Variants in CDH26 observed in about 807,000 individuals in gnomAD.
The protein encoded by CDH26 is cadherin 26.
CDH26 carries 83 observed loss-of-function variants against 90.3 expected under a neutral mutation model. The ratio of observed to expected loss-of-function variants is 0.92; its 90% CI spans 0.77 to 1.10. The LOEUF is 1.10. Among genes scored for constraint, CDH26 ranks in the 50% least tolerant of loss-of-function variants. CDH26 has a pLI of 0.00. For synonymous variants in CDH26, 397 were observed against 396.3 expected (o/e 1.00, Z -0.02); for missense variants, 1,013 against 1,037.6 (o/e 0.98, Z 0.33).
chr20:59,984,704 C>CTTTA lies in CDH26; in HGVS notation c.608_611dup (p.Phe205LeufsTer18). 3.1e-6 allele frequency: 5 copies of CTTTA among 1,613,908 alleles called. No individual in the cohort carries two copies. Among genetic ancestry groups the CTTTA allele is most frequent in the Non-Finnish European group, 4.2e-6 (5 of 1,179,898 alleles). Reference sequence around the variant, plus strand: ...AGAAAACACTCCAAATTCTCAAGTCCTTTACTTCCTCATTTCTCAAACACC... The same window carrying CTTTA: ...AGAAAACACTCCAAATTCTCAAGTCCTTTATTTACTTCCTCATTTCTCAAACACC... On this transcript the variant is annotated frameshift_variant, in exon 6 of 18. Coordinates refer to ENST00000348616, the MANE Select transcript of CDH26 (RefSeq NM_177980.4). LOFTEE classifies it high-confidence loss of function.
At chr20:59,959,767 A>G (rs527385744) in intron 1 of CDH26, among the ~76,000 whole-genome samples, 21 of 152,184 alleles carry the variant, frequency 1.4e-4, no homozygotes, top group Non-Finnish European at 2.2e-4. Flanking sequence ...GTCTGGATCC[A>G]AGGCAATTTG....
chr20:60,008,845 G>T (rs1000325525), intron 17 of CDH26, among the ~76,000 whole-genome samples: 6 of 152,202 alleles, frequency 3.9e-5, no homozygotes, highest in Non-Finnish European at 8.8e-5. Context: ...CCTGGCACCT[G>T]CTTCAAGACA....
At chr20:59,977,619 G>A (rs2061342613) in intron 4 of CDH26, among the ~76,000 whole-genome samples, 1 of 151,654 alleles carries the variant, frequency 6.6e-6, no homozygotes, top group African/African-American at 2.4e-5. Context: ...AGCAGTTTTA[G>A]ATTGACAGAA....
chr20:60,003,756 C>T (rs1431699279), intron 16 of CDH26, among the ~76,000 whole-genome samples: 1 of 152,136 alleles, frequency 6.6e-6, no homozygotes, highest in East Asian at 1.9e-4. Flanking sequence ...AATACTCTAG[C>T]TGAAGTATCT....
chr20:60,033,580 G>C (rs147694852), exon 9 of CDH26: 6 of 1,304,662 alleles, frequency 4.6e-6, no homozygotes, highest in Non-Finnish European at 6.1e-6. Flanking sequence ...TCCAGAGTGC[G>C]CATTCCCCAT....
intron 17 of CDH26, among the ~76,000 whole-genome samples, chr20:60,008,878 T>C (rs1485949110): frequency 2.0e-5 from 3 of 152,186 alleles, no homozygotes; most frequent in Non-Finnish European, 4.4e-5. Context: ...TCTCCGGGCC[T>C]AGAAGCTTTG....
At chr20:59,996,591 G>C (rs369322286) in intron 12 of CDH26, 40 bp from the exon 13 acceptor site, 16 of 1,614,084 alleles carry the variant, frequency 9.9e-6, no homozygotes, top group African/African-American at 1.3e-5. Context: ...TGATATGGGT[G>C]AGCTTGTCTA....
chr20:59,966,128 G>C (rs2061144983), intron 1 of CDH26, among the ~76,000 whole-genome samples: 1 of 149,886 alleles, frequency 6.7e-6, no homozygotes, highest in South Asian at 2.1e-4. Flanking sequence ...TTTTCTCGAA[G>C]TGAAAGCTCA....
intron 6 of CDH26, 52 bp from the exon 7 acceptor site, chr20:59,984,949 A>G (rs2061435045): frequency 1.3e-6 from 2 of 1,593,576 alleles, no homozygotes; most frequent in African/African-American, 2.7e-5. Context: ...CTTTATTAAT[A>G]TTTTCCTTTC....
In CDH26 at chr20:59,971,751, C is replaced by T. The variant is rs572179111; in HGVS notation, c.232-211C>T. 6.6e-5 allele frequency among the ~76,000 whole-genome samples: 10 copies of T among 152,264 alleles called. No homozygotes were observed. The East Asian group carries it at 1.4e-3, about 21-fold the overall frequency. ...ATGTTGATGAACATTTATGCTATTT[C>T]CAAATTTTCACTGTTACAGACCAAA... On this transcript the variant is annotated intron_variant, in intron 3 of 17. Transcript: ENST00000348616.
intron 7 of CDH26, among the ~76,000 whole-genome samples, chr20:60,028,822 C>T (rs1034546758): frequency 2.6e-5 from 4 of 152,174 alleles, no homozygotes; most frequent in African/African-American, 9.7e-5. Context: ...TCAGCAATCC[C>T]ATTTCTGAGG....
rs759216324 is a variant in CDH26, at chr20:60,012,587, G to T, written c.2356G>T (p.Glu786Ter). ...DPGYLPHVYSEEGECGGAPSL... is the reference protein window; with the variant it reads ...DPGYLPHVYS ...CGGCTACCTACCTCACGTCTACAGCGAGGAAGGGGAGTGTGGAGGGGCCCC... is the reference window on the plus strand; with the variant it reads ...CGGCTACCTACCTCACGTCTACAGCTAGGAAGGGGAGTGTGGAGGGGCCCC... Residue 786 changes from glutamate (E) to a stop codon, truncating the protein, a stop_gained, in exon 18 of 18, where the codon GAG (glutamate) becomes TAG (stop). Transcript: ENST00000348616. LOFTEE classifies it low-confidence loss of function (END_TRUNC). 1 of 1,614,112 alleles carries T rather than the reference G, an allele frequency of 6.2e-7. No homozygotes were observed. Among genetic ancestry groups the T allele is most frequent in the Non-Finnish European group, 8.5e-7 (1 of 1,179,996 alleles).
chr20:60,021,859 C>CACACACACACACACACACACAG (rs1569068556), intron 7 of CDH26, among the ~76,000 whole-genome samples: 1 of 68,184 alleles, frequency 1.5e-5, no homozygotes, highest in Non-Finnish European at 3.5e-5. Context: ...TACACACACA[C>CACACACACACACACACACACAG]ACACACACAC....
At position 60,012,759 on chromosome 20, in the gene CDH26, A is replaced by G; in HGVS notation, c.*29A>G. The G allele has an allele frequency of 6.2e-7, 1 of 1,600,318 alleles. No individual in the cohort carries two copies. The highest frequency in any genetic ancestry group is 8.6e-7 in the Non-Finnish European group (1 of 1,169,254). On this transcript the variant is annotated 3_prime_UTR_variant, in exon 18 of 18. Coordinates refer to ENST00000348616, the MANE Select transcript of CDH26 (RefSeq NM_177980.4). Reference sequence around the variant, plus strand: ...AAAAAGTCTATTTTGGAGAATTGAAATAATTCATGGAAGGGAATCACTATT... The same window carrying G: ...AAAAAGTCTATTTTGGAGAATTGAAGTAATTCATGGAAGGGAATCACTATT...
chr20:60,024,996 C>T (rs961119496), intron 7 of CDH26, among the ~76,000 whole-genome samples: 1 of 152,272 alleles, frequency 6.6e-6, no homozygotes, highest in East Asian at 1.9e-4. Context: ...GGCTGGCTGC[C>T]GACCTGAAGG....
downstream of CDH26, among the ~76,000 whole-genome samples, chr20:60,018,702 CTTTTTTTTTTTTTTTTTTT>C (rs55994712): frequency 3.4e-4 from 6 of 17,814 alleles, no homozygotes; most frequent in East Asian, 3.7e-3. Flanking sequence ...CTCTTACTGC[CTTTTTTTTTTTTTTTTTTT>C]TTTTTTTTTT....
intron 4 of CDH26, among the ~76,000 whole-genome samples, chr20:59,975,824 G>A (rs1049139165): frequency 6.6e-6 from 1 of 152,104 alleles, no homozygotes; most frequent in Non-Finnish European, 1.5e-5. Context: ...TCCTGATGGG[G>A]TCTCTAAAAC....
At position 60,012,875 on chromosome 20, in the gene CDH26, T is replaced by A; in HGVS notation, c.*145T>A. On this transcript the variant is annotated 3_prime_UTR_variant, in exon 18 of 18. Transcript: ENST00000348616. Reference sequence around the variant, plus strand: ...ATGAGGACACACTATTAGTTTGAATTAAATGCTTTGATATTCTCAGATCAG... The same window carrying A: ...ATGAGGACACACTATTAGTTTGAATAAAATGCTTTGATATTCTCAGATCAG... 1.5e-6 allele frequency: 1 copy of A among 686,418 alleles called. No individual in the cohort carries two copies. Among genetic ancestry groups the A allele is most frequent in the Non-Finnish European group, 2.4e-6 (1 of 421,396 alleles). 42.5% of individuals were successfully genotyped at this position (686,418 alleles called of 1,614,324 possible). A position where few individuals can be genotyped will look rare whatever the true frequency, so the allele number is the denominator to read the frequency against.
At chr20:60,019,614 T>A (rs904193662) in intron 7 of CDH26, among the ~76,000 whole-genome samples, 6 of 152,238 alleles carry the variant, frequency 3.9e-5, no homozygotes, top group Non-Finnish European at 7.3e-5. Context: ...CTTGATTTTG[T>A]TGAATTGTCT....
Sources: allele counts gnomAD v4.1 joint callset (sites outside exome capture counted in the v4.1 genomes callset), GRCh38; gene constraint gnomAD v4.1.1; transcripts MANE v1.5; gene names NCBI Gene and HGNC (gene_info 2026-07-23, HGNC 2026-07-21).